The following RBMS3 variants were observed in gnomAD, a reference collection of about 807,000 sequenced individuals.
RBMS3 encodes the protein RNA binding motif single stranded interacting protein 3.
RBMS3 carries 27 observed loss-of-function variants against 66.8 expected under a neutral mutation model. That is an observed-to-expected ratio of 0.40 (90% CI 0.30 to 0.56). RBMS3 has a LOEUF of 0.56. Ranked by LOEUF, RBMS3 falls within the 20% of genes least tolerant of loss-of-function variation. RBMS3 has a pLI of 0.40. For synonymous variants in RBMS3, 188 were observed against 183.0 expected (o/e 1.03, Z -0.22); for missense variants, 513 against 549.5 (o/e 0.93, Z 0.66).
chr3:29,316,905 A>G (rs995966616), intron 1 of RBMS3, among the ~76,000 whole-genome samples: 1 of 151,730 alleles, frequency 6.6e-6, no homozygotes, highest in African/African-American at 2.4e-5. Context: ...TAGAAATTTT[A>G]GTGATTCTTA....
intron 2 of RBMS3, among the ~76,000 whole-genome samples, chr3:29,454,938 A>G (rs1448583012): frequency 6.6e-6 from 1 of 152,182 alleles, no homozygotes; most frequent in Non-Finnish European, 1.5e-5. Context: ...GTGTTTTTTA[A>G]AATGTAGCTA....
intron 1 of RBMS3, among the ~76,000 whole-genome samples, chr3:29,388,307 T>C (rs2039108712): frequency 6.6e-6 from 1 of 152,234 alleles, no homozygotes; most frequent in Admixed American, 6.5e-5. Context: ...TATAAACTTC[T>C]GTGTGTTTTA....
At chr3:29,424,343 T>G (rs1244929281) in intron 1 of RBMS3, among the ~76,000 whole-genome samples, 1 of 152,174 alleles carries the variant, frequency 6.6e-6, no homozygotes, top group Non-Finnish European at 1.5e-5. Context: ...GCTCTCAAAT[T>G]TTCCCGGTTT....
intron 7 of RBMS3, among the ~76,000 whole-genome samples, chr3:29,883,128 G>C (rs1279594779): frequency 6.6e-6 from 1 of 152,058 alleles, no homozygotes; most frequent in Non-Finnish European, 1.5e-5. Flanking sequence ...TGTAAGCATT[G>C]TAAGTATTAA....
chr3:29,874,609 A>T (rs1180223459), intron 7 of RBMS3, among the ~76,000 whole-genome samples: 2 of 152,170 alleles, frequency 1.3e-5, no homozygotes, highest in Admixed American at 6.5e-5. Context: ...GGCCATTATG[A>T]TGCATGTTAG....
intron 4 of RBMS3, among the ~76,000 whole-genome samples, chr3:29,650,164 A>G (rs1384402699): frequency 2.0e-5 from 3 of 152,242 alleles, no homozygotes; most frequent in African/African-American, 7.2e-5. Flanking sequence ...TTTCTTAAAA[A>G]GCAATATTTT....
Position 29,991,179 on chromosome 3 carries a change from A to G in RBMS3, c.1277A>G (p.His426Arg), listed in dbSNP as rs780604715. ...QQIAVDTSNE[H>R]APAYSYQQSK... ...ATAGCAGTGGACACATCCAACGAAC[A>G]TGCACCTGCATATTCTTACCAACAG... is the stretch of plus-strand genomic sequence containing the variant. Residue 426 changes from histidine (H) to arginine (R), a missense_variant, in exon 14 of 15, where the codon CAT (histidine) becomes CGT (arginine). His to Arg is a conservative substitution (Grantham distance 29, BLOSUM62 0). Transcript: ENST00000383767. 2.5e-6 allele frequency: 4 copies of G among 1,614,006 alleles called. No individual in the cohort carries two copies. The highest frequency in any genetic ancestry group is 4.5e-5 in the East Asian group (2 of 44,884).
chr3:29,996,121 G>C (rs1181997625), intron 14 of RBMS3, among the ~76,000 whole-genome samples: 8 of 150,632 alleles, frequency 5.3e-5, no homozygotes, highest in Non-Finnish European at 1.0e-4. Flanking sequence ...TGCAATCCTA[G>C]TCTCTGATAA....
chr3:29,471,163 T>C (rs982881724), intron 2 of RBMS3, among the ~76,000 whole-genome samples: 11 of 152,226 alleles, frequency 7.2e-5, no homozygotes, highest in Non-Finnish European at 1.5e-4. Context: ...ACATAGCATA[T>C]CTGTGTGTGA....
intron 2 of RBMS3, among the ~76,000 whole-genome samples, chr3:29,452,027 A>G (rs1426406153): frequency 2.6e-5 from 4 of 152,208 alleles, no homozygotes; most frequent in Admixed American, 1.3e-4. Flanking sequence ...AAATTAGGCC[A>G]TGGACTTTCA....
intron 3 of RBMS3, among the ~76,000 whole-genome samples, chr3:29,539,106 T>C (rs1228954711): frequency 6.6e-6 from 1 of 152,182 alleles, no homozygotes; most frequent in Non-Finnish European, 1.5e-5. Flanking sequence ...CTGACTCAGT[T>C]CCATTCTGCA....
chr3:29,387,280 G>A (rs926661384), intron 1 of RBMS3, among the ~76,000 whole-genome samples: 1 of 150,278 alleles, frequency 6.7e-6, no homozygotes, highest in Non-Finnish European at 1.5e-5. Flanking sequence ...GAATTCCAAA[G>A]TTAACATGTT....
intron 4 of RBMS3, among the ~76,000 whole-genome samples, chr3:29,648,397 G>A (rs1354182398): frequency 6.7e-6 from 1 of 148,548 alleles, no homozygotes; most frequent in East Asian, 2.1e-4. Flanking sequence ...TCAGACCCCC[G>A]GAGTAGCTGG....
At chr3:29,972,504 C>T (rs1417012753) in intron 12 of RBMS3, among the ~76,000 whole-genome samples, 2 of 151,976 alleles carry the variant, frequency 1.3e-5, no homozygotes, top group African/African-American at 4.8e-5. Flanking sequence ...CTTGGATCAA[C>T]CTCTAATATG....
chr3:29,491,398 G>C lies in RBMS3; in HGVS notation c.307+2899G>C, dbSNP rs192704886. On this transcript the variant is annotated intron_variant, in intron 3 of 14. Transcript: ENST00000383767. Reference sequence around the variant, plus strand: ...GTGATACAAGACTGTTTATTGGAGAGGCTAAAAGAAAATATTAGAATTTAC... The same window carrying C: ...GTGATACAAGACTGTTTATTGGAGACGCTAAAAGAAAATATTAGAATTTAC... Among the ~76,000 whole-genome samples, 230 of 152,206 alleles carry C rather than the reference G, an allele frequency of 1.5e-3. 2 individuals are homozygous for C. Among genetic ancestry groups the C allele is most frequent in the African/African-American group, 5.3e-3 (221 of 41,532 alleles).
intron 14 of RBMS3, among the ~76,000 whole-genome samples, chr3:29,999,170 C>T (rs1011310691): frequency 3.2e-4 from 48 of 152,186 alleles, no homozygotes; most frequent in African/African-American, 1.1e-3. Context: ...AAATGCTCAT[C>T]ATCACTGGCC....
intron 1 of RBMS3, among the ~76,000 whole-genome samples, chr3:29,320,428 G>A (rs894636971): frequency 6.6e-6 from 1 of 151,950 alleles, no homozygotes; most frequent in Non-Finnish European, 1.5e-5. Context: ...ATAAATACAT[G>A]AATAAAGAAT....
chr3:29,814,254 T>G (rs2057810893), intron 6 of RBMS3, among the ~76,000 whole-genome samples: 1 of 152,250 alleles, frequency 6.6e-6, no homozygotes, highest in South Asian at 2.1e-4. Context: ...GGTTTTTGTC[T>G]TTGGTTCTGT....
chr3:29,696,339 A>G (rs1374853041), intron 4 of RBMS3, among the ~76,000 whole-genome samples: 1 of 152,242 alleles, frequency 6.6e-6, no homozygotes, highest in Non-Finnish European at 1.5e-5. Context: ...TGCACTTAGC[A>G]TACAACATAG....
Sources: gnomAD v4.1 joint callset for allele counts (sites outside exome capture counted in the v4.1 genomes callset) on GRCh38, gnomAD v4.1.1 for gene constraint, MANE v1.5 for transcripts, NCBI Gene and HGNC (gene_info 2026-07-23, HGNC 2026-07-21) for gene names.